Variants in SGCD observed in about 807,000 individuals in gnomAD.
The protein encoded by SGCD is sarcoglycan delta.
Under a neutral mutation model 36.6 loss-of-function variants are expected in SGCD, and 18 were observed. The observed-to-expected ratio is 0.49, with a 90% CI of 0.34 to 0.73. The LOEUF (loss-of-function observed/expected upper bound fraction) is 0.73, where lower values mean the gene tolerates loss of function less well. SGCD is among the 30% of genes least tolerant of loss of function. The pLI is 0.01. For missense variants in SGCD, 387 were observed against 346.7 expected (o/e 1.12, Z -0.92); for synonymous variants, 133 against 130.6 (o/e 1.02, Z -0.12).
intron 1 of SGCD, among the ~76,000 whole-genome samples, chr5:155,987,723 T>C (rs1370911323): frequency 3.3e-5 from 5 of 152,300 alleles, no homozygotes; most frequent in Admixed American, 3.3e-4. Context: ...AAGTCTCTGC[T>C]GAAAACACTC....
At chr5:156,748,028 A>G (rs1757010082) in intron 7 of SGCD, among the ~76,000 whole-genome samples, 1 of 152,250 alleles carries the variant, frequency 6.6e-6, no homozygotes, top group African/African-American at 2.4e-5. Context: ...ATCATGGTCT[A>G]TTCATGCAAT....
rs530934910 is a variant in SGCD, at chr5:156,563,694, T to C, written c.295-25537T>C. Among the ~76,000 whole-genome samples the C allele has an allele frequency of 2.6e-5, 4 of 152,172 alleles. No individual in the cohort carries two copies. In the South Asian group the frequency reaches 8.3e-4, roughly 32 times the overall value. ...ATTGCTTAACGGAAGCTGTTTCCCCTTTGGGGGGATCAGTTGGTCAGTTCT... is the reference window on the plus strand; with the variant it reads ...ATTGCTTAACGGAAGCTGTTTCCCCCTTGGGGGGATCAGTTGGTCAGTTCT... On this transcript the variant is annotated intron_variant, in intron 4 of 8. Coordinates refer to ENST00000337851, the MANE Select transcript of SGCD (RefSeq NM_000337.6).
At chr5:155,971,567 C>A (rs1758006869) in intron 1 of SGCD, among the ~76,000 whole-genome samples, 1 of 152,052 alleles carries the variant, frequency 6.6e-6, no homozygotes, top group East Asian at 1.9e-4. Flanking sequence ...GATTGGCAGA[C>A]AATTGATGTA....
chr5:156,243,775 C>G (rs1217482223), intron 3 of SGCD, among the ~76,000 whole-genome samples: 1 of 152,114 alleles, frequency 6.6e-6, no homozygotes, highest in Non-Finnish European at 1.5e-5. Flanking sequence ...ATAAAGCAAG[C>G]AAGTGCTCAA....
At chr5:156,511,477 A>T (rs1033391540) in intron 4 of SGCD, among the ~76,000 whole-genome samples, 7 of 152,196 alleles carry the variant, frequency 4.6e-5, no homozygotes, top group Non-Finnish European at 7.3e-5. Flanking sequence ...CCACCTCTTC[A>T]CAAAGGATTT....
At chr5:156,197,937 A>G (rs978987455) in intron 3 of SGCD, among the ~76,000 whole-genome samples, 1 of 152,250 alleles carries the variant, frequency 6.6e-6, no homozygotes, top group Admixed American at 6.5e-5. Context: ...CGTAATTAGC[A>G]TAGAGGAGGG....
intron 1 of SGCD, among the ~76,000 whole-genome samples, chr5:156,021,562 T>C (rs1414372607): frequency 6.6e-6 from 1 of 152,114 alleles, no homozygotes; most frequent in Non-Finnish European, 1.5e-5. Flanking sequence ...TGCAGGTGTA[T>C]AGGGTGATTG....
intron 1 of SGCD, among the ~76,000 whole-genome samples, chr5:156,002,813 A>G (rs556627265): frequency 6.6e-6 from 1 of 152,348 alleles, no homozygotes; most frequent in Non-Finnish European, 1.5e-5. Flanking sequence ...AGACCAGAGG[A>G]GCAACCCTTG....
chr5:155,950,831 G>C (rs987603091), intron 1 of SGCD, among the ~76,000 whole-genome samples: 2 of 152,168 alleles, frequency 1.3e-5, no homozygotes, highest in Middle Eastern at 3.2e-3. Context: ...GTTGGAGTCT[G>C]TTATAATTAT....
At chr5:156,191,591 ACTT>A (rs1432078014) in intron 3 of SGCD, among the ~76,000 whole-genome samples, 31 of 152,232 alleles carry the variant, frequency 2.0e-4, no homozygotes, top group Admixed American at 1.8e-3. Context: ...TCCCCCTACT[ACTT>A]ATTTCCTTAA....
upstream of SGCD, among the ~76,000 whole-genome samples, chr5:156,322,417 A>T (rs1319258964): frequency 6.6e-6 from 1 of 152,210 alleles, no homozygotes; most frequent in African/African-American, 2.4e-5. Flanking sequence ...GTAAGGAGTA[A>T]GACACAACCT....
intron 7 of SGCD, among the ~76,000 whole-genome samples, chr5:156,733,695 GA>G (rs1380793694): frequency 6.6e-6 from 1 of 151,938 alleles, no homozygotes; most frequent in African/African-American, 2.4e-5. Context: ...TTATTTAGGA[GA>G]GTTAGCTCTT....
At position 156,681,520 on chromosome 5, in the gene SGCD, A is replaced by G. The variant is rs570921265; in HGVS notation, c.575+33984A>G. Among the ~76,000 whole-genome samples the G allele has an allele frequency of 5.9e-5, 9 of 152,320 alleles. No homozygotes were observed. In the East Asian group the frequency reaches 1.7e-3, roughly 29 times the overall value. On this transcript the variant is annotated intron_variant, in intron 7 of 8. Transcript: ENST00000337851. Reference sequence around the variant, plus strand: ...ATGAAAAATGGGGTCAGCTGTTTTTACTTAGTGCTGCGGTTCCAGGCTTAA... The same window carrying G: ...ATGAAAAATGGGGTCAGCTGTTTTTGCTTAGTGCTGCGGTTCCAGGCTTAA...
At chr5:156,114,310 C>G (rs1761859481) in intron 1 of SGCD, among the ~76,000 whole-genome samples, 1 of 152,054 alleles carries the variant, frequency 6.6e-6, no homozygotes, top group African/African-American at 2.4e-5. Context: ...GAACCTAAAA[C>G]TGCTATAATA....
At chr5:155,769,230 A>G in the SGCD span, among the ~76,000 whole-genome samples, 2 of 152,112 alleles carry the variant, frequency 1.3e-5, no homozygotes, top group South Asian at 2.1e-4. Flanking sequence ...CTATGCATAC[A>G]AAGTATGCTA....
chr5:155,833,053 C>CAAAAAAAAA, the SGCD span, among the ~76,000 whole-genome samples: 86 of 90,162 alleles, frequency 9.5e-4, no homozygotes, highest in Non-Finnish European at 1.6e-3. Context: ...ACTAAAAATA[C>CAAAAAAAAA]GAAAAAAAAA....
chr5:156,169,973 T>A (rs1328733676), intron 3 of SGCD, among the ~76,000 whole-genome samples: 1 of 152,128 alleles, frequency 6.6e-6, no homozygotes, highest in Non-Finnish European at 1.5e-5. Flanking sequence ...GTGCCCGTGG[T>A]GTGACGTGAT....
intron 1 of SGCD, among the ~76,000 whole-genome samples, chr5:155,951,022 G>C (rs1342401247): frequency 6.6e-6 from 1 of 152,126 alleles, no homozygotes; most frequent in Admixed American, 6.6e-5. Flanking sequence ...AGGATGGTCA[G>C]GGCCAGGAGC....
chr5:156,261,156 GT>G (rs1453197125), intron 3 of SGCD, among the ~76,000 whole-genome samples: 2 of 152,024 alleles, frequency 1.3e-5, no homozygotes, highest in African/African-American at 4.8e-5. Flanking sequence ...AGTTATACTG[GT>G]TTTATAAAAT....
Sources: gnomAD v4.1 joint callset for allele counts (sites outside exome capture counted in the v4.1 genomes callset) on GRCh38, gnomAD v4.1.1 for gene constraint, MANE v1.5 for transcripts, NCBI Gene and HGNC (gene_info 2026-07-23, HGNC 2026-07-21) for gene names.